The following MORC1 variants were observed in gnomAD, a reference collection of about 807,000 sequenced individuals.
MORC1 encodes MORC family CW-type zinc finger protein 1.
Under a neutral mutation model 134.9 loss-of-function variants are expected in MORC1, and 59 were observed. The observed-to-expected ratio is 0.44, with a 90% CI of 0.35 to 0.54. The LOEUF (loss-of-function observed/expected upper bound fraction) is 0.54. MORC1 is among the 20% of genes least tolerant of loss of function. MORC1 has a pLI of 0.00. For synonymous variants in MORC1, 395 were observed against 391.7 expected, an observed-to-expected ratio of 1.01 and a Z score of -0.10; for missense variants, 947 against 1,134.5, an observed-to-expected ratio of 0.83 and a Z score of 2.37.
intron 21 of MORC1, among the ~76,000 whole-genome samples, chr3:108,996,672 A>C (rs974778299): frequency 3.9e-5 from 6 of 152,152 alleles, no homozygotes; most frequent in African/African-American, 1.4e-4. Flanking sequence ...TTTGAAAATG[A>C]ATGGTTCACA....
At chr3:109,090,033 A>G (rs1303356124) in intron 8 of MORC1, among the ~76,000 whole-genome samples, 1 of 152,132 alleles carries the variant, frequency 6.6e-6, no homozygotes, top group East Asian at 1.9e-4. Flanking sequence ...TCAAAATTCA[A>G]TTTAATATTT....
intron 3 of MORC1, among the ~76,000 whole-genome samples, chr3:109,107,732 CT>C (rs894101843): frequency 3.9e-5 from 6 of 152,214 alleles, no homozygotes; most frequent in African/African-American, 1.4e-4. Context: ...ATTGTCCCTG[CT>C]TTTTTTATCC....
rs1388600479 is a variant in MORC1 at position 109,000,566 on chromosome 3, A to G, written c.2178T>C (p.Asp726=). The change falls in exon 21 of 28, where the codon GAT becomes GAC. Residue 726 remains aspartate (D), a synonymous_variant. Coordinates refer to ENST00000232603, the MANE Select transcript of MORC1 (RefSeq NM_014429.4). ...LTEDENTSDS[D]IILVSDKSNT... Reference sequence around the variant, plus strand: ...GTATAGTTTATCTCACCAGGATTATATCTGAATCACTCGTGTTCTCATCTT... The same window carrying G: ...GTATAGTTTATCTCACCAGGATTATGTCTGAATCACTCGTGTTCTCATCTT... 6 of 1,603,574 alleles carry G rather than the reference A, an allele frequency of 3.7e-6. No homozygotes were observed. In the South Asian group the frequency reaches 5.6e-5, roughly 15 times the overall value.
chr3:109,025,379 CTTTTTTTTTTTTTTT>C (rs63701060), intron 17 of MORC1, among the ~76,000 whole-genome samples: 24 of 105,076 alleles, frequency 2.3e-4, no homozygotes, highest in African/African-American at 2.9e-4. Flanking sequence ...TTTCTTTTTT[CTTTTTTTTTTTTTTT>C]TTTTTTTTTT....
intron 9 of MORC1, among the ~76,000 whole-genome samples, chr3:109,066,063 A>G (rs1301518783): frequency 6.6e-6 from 1 of 152,080 alleles, no homozygotes; most frequent in Non-Finnish European, 1.5e-5. Context: ...AATGATCCCT[A>G]TTGGGTACCA....
At chr3:108,976,659 T>C (rs1369166273) in intron 24 of MORC1, among the ~76,000 whole-genome samples, 1 of 152,190 alleles carries the variant, frequency 6.6e-6, no homozygotes, top group Non-Finnish European at 1.5e-5. Flanking sequence ...GTCCAAATTT[T>C]TTTATCATAG....
At chr3:109,018,216 T>G (rs1436242239) in intron 17 of MORC1, among the ~76,000 whole-genome samples, 1 of 152,160 alleles carries the variant, frequency 6.6e-6, no homozygotes, top group African/African-American at 2.4e-5. Flanking sequence ...TGTGGGACTA[T>G]AGAGAAAATA....
At chr3:109,088,402 T>C (rs1950656109) in intron 8 of MORC1, among the ~76,000 whole-genome samples, 1 of 151,946 alleles carries the variant, frequency 6.6e-6, no homozygotes, top group African/African-American at 2.4e-5. Flanking sequence ...CATTAAAAAA[T>C]GGGCAAAGGA....
chr3:108,959,552 T>C (rs1420393830), intron 27 of MORC1, among the ~76,000 whole-genome samples: 2 of 152,156 alleles, frequency 1.3e-5, no homozygotes, highest in Non-Finnish European at 2.9e-5. Context: ...TTCCCTCAGC[T>C]CTTGGCTTAC....
At chr3:108,980,118 T>C (rs1251683126) in intron 23 of MORC1, among the ~76,000 whole-genome samples, 2 of 152,180 alleles carry the variant, frequency 1.3e-5, no homozygotes, top group African/African-American at 4.8e-5. Flanking sequence ...GAAAATGAGT[T>C]ACTATTATTT....
chr3:109,117,331 C>CAAAAAAAAA (rs202128565), intron 1 of MORC1, among the ~76,000 whole-genome samples: 12 of 113,628 alleles, frequency 1.1e-4, no homozygotes, highest in African/African-American at 2.4e-4. Context: ...CAAAAGATGT[C>CAAAAAAAAA]AAAAAAAAAA....
At chr3:109,009,344 T>C (rs1009000561) in intron 17 of MORC1, among the ~76,000 whole-genome samples, 4 of 151,968 alleles carry the variant, frequency 2.6e-5, no homozygotes, top group African/African-American at 7.3e-5. Context: ...TAGCTGGGAC[T>C]ACAGGCGCAT....
intron 14 of MORC1, among the ~76,000 whole-genome samples, chr3:109,039,029 G>A (rs567720774): frequency 2.0e-5 from 3 of 152,128 alleles, no homozygotes; most frequent in Admixed American, 6.5e-5. Context: ...CAATTCTCAT[G>A]ACTCAGCCTC....
At chr3:109,007,567 T>C (rs1576625382) in intron 17 of MORC1, among the ~76,000 whole-genome samples, 1 of 152,306 alleles carries the variant, frequency 6.6e-6, no homozygotes, top group Non-Finnish European at 1.5e-5. Flanking sequence ...ACATTTACTA[T>C]TCCTCAGGCT....
At chr3:109,011,594 TCACCGCAA>T (rs906094166) in intron 17 of MORC1, among the ~76,000 whole-genome samples, 2 of 151,694 alleles carry the variant, frequency 1.3e-5, no homozygotes, top group Non-Finnish European at 2.9e-5. Context: ...CAATCTGAGC[TCACCGCAA>T]CCTCCGCCTC....
intron 8 of MORC1, among the ~76,000 whole-genome samples, chr3:109,077,746 T>C (rs891369374): frequency 2.0e-5 from 3 of 151,862 alleles, no homozygotes; most frequent in African/African-American, 7.3e-5. Flanking sequence ...AAATACAACG[T>C]ATAAGCAGGC....
chr3:109,073,495 T>C (rs1056798458), intron 8 of MORC1, among the ~76,000 whole-genome samples: 5 of 152,078 alleles, frequency 3.3e-5, no homozygotes, highest in Non-Finnish European at 5.9e-5. Flanking sequence ...AGGAGAACAG[T>C]CTCTCACAGG....
At chr3:109,012,731 G>T (rs540819666) in intron 17 of MORC1, among the ~76,000 whole-genome samples, 2 of 152,220 alleles carry the variant, frequency 1.3e-5, no homozygotes, top group South Asian at 4.1e-4. Context: ...TATAGAAAAA[G>T]TTAATTTTTA....
At chr3:109,057,576 A>G (rs1021117930) in intron 12 of MORC1, 90 bp from the exon 13 acceptor site, 6 of 1,222,930 alleles carry the variant, frequency 4.9e-6, no homozygotes, top group Non-Finnish European at 5.5e-6. Flanking sequence ...TAGAAGGTTA[A>G]CGTCAAAGGC....
Sources: gnomAD v4.1 joint callset for allele counts (sites outside exome capture counted in the v4.1 genomes callset) on GRCh38, gnomAD v4.1.1 for gene constraint, MANE v1.5 for transcripts, NCBI Gene and HGNC (gene_info 2026-07-23, HGNC 2026-07-21) for gene names.